Variants in GOLGB1 observed in about 807,000 individuals in gnomAD.
GOLGB1 encodes golgin B1, also known as golgin subfamily B member 1.
A neutral mutation model predicts 336.9 loss-of-function variants in GOLGB1; 174 were observed. The observed-to-expected ratio is 0.52, with a 90% CI of 0.46 to 0.59. The LOEUF is 0.59. Ranked by LOEUF, GOLGB1 falls within the 20% of genes least tolerant of loss-of-function variation. The probability of loss-of-function intolerance (pLI) is 0.00; values close to 1 mark genes in which losing one functional copy is unlikely to be tolerated. For missense variants in GOLGB1, 3,331 were observed against 3,645.3 expected (o/e 0.91, Z 2.22); for synonymous variants, 1,208 against 1,289.2 (o/e 0.94, Z 1.35).
chr3:121,742,912 TGA>T (rs1283209413), intron 1 of GOLGB1, among the ~76,000 whole-genome samples: 8 of 152,244 alleles, frequency 5.3e-5, no homozygotes, highest in Non-Finnish European at 1.2e-4. Context: ...CAAACTACAA[TGA>T]GATACCATCT....
chr3:121,667,444 A>G, intron 20 of GOLGB1, 32 bp downstream of exon 20: 1 of 1,603,022 alleles, frequency 6.2e-7, no homozygotes, highest in Non-Finnish European at 8.5e-7. Flanking sequence ...AAGGATCGGA[A>G]GGGAACAGAG....
intron 14 of GOLGB1, among the ~76,000 whole-genome samples, chr3:121,688,239 A>G (rs1405619735): frequency 2.6e-5 from 4 of 152,094 alleles, no homozygotes; most frequent in Admixed American, 6.5e-5. Flanking sequence ...ATGCCGAGCC[A>G]AAGCTGGACT....
At chr3:121,736,786 C>T (rs926635423) in intron 1 of GOLGB1, among the ~76,000 whole-genome samples, 1 of 152,040 alleles carries the variant, frequency 6.6e-6, no homozygotes, top group African/African-American at 2.4e-5. Context: ...CACCTGTAGT[C>T]CCAGCTATTG....
chr3:121,726,014 T>C (rs1344717921), intron 5 of GOLGB1, among the ~76,000 whole-genome samples: 2 of 151,366 alleles, frequency 1.3e-5, no homozygotes, highest in Non-Finnish European at 2.9e-5. Context: ...TTTCTGTTAT[T>C]ATAAATTAAA....
At position 121,668,369 on chromosome 3, in the gene GOLGB1, T is replaced by A. The variant is rs1938964319; in HGVS notation, c.9322-211A>T. ...TTCTCCCAGATTCTCATTCTTGAAT[T>A]TCTCCTCTTAAAAGTTAAGTCTGGG... On this transcript the variant is annotated intron_variant, in intron 18 of 21. Transcript: ENST00000614479. 7.6e-6 allele frequency: 3 copies of A among 397,346 alleles called. No homozygotes were observed. The South Asian group carries it at 1.1e-4, about 15-fold the overall frequency. The allele number at this position is 397,346 out of a possible 1,614,324, so 24.6% of individuals were successfully genotyped here.
At chr3:121,727,387 T>G (rs760366105) in intron 4 of GOLGB1, among the ~76,000 whole-genome samples, 23 of 124,972 alleles carry the variant, frequency 1.8e-4, no homozygotes, top group Non-Finnish European at 3.3e-4. Flanking sequence ...CTGTGGACAA[T>G]ATAGAAAACA....
At chr3:121,720,438 G>C (rs1235403258) in intron 6 of GOLGB1, among the ~76,000 whole-genome samples, 1 of 152,206 alleles carries the variant, frequency 6.6e-6, no homozygotes, top group Non-Finnish European at 1.5e-5. Flanking sequence ...CTCAGTATCA[G>C]TGCTTCTGTC....
intron 17 of GOLGB1, among the ~76,000 whole-genome samples, chr3:121,673,729 A>G (rs959486912): frequency 1.3e-5 from 2 of 150,638 alleles, no homozygotes; most frequent in African/African-American, 2.4e-5. Flanking sequence ...CTATCTATCT[A>G]TCTATTTTTG....
intron 2 of GOLGB1, 168 bp downstream of exon 2, chr3:121,730,708 C>G: frequency 1.7e-6 from 1 of 591,740 alleles, no homozygotes; most frequent in Non-Finnish European, 2.7e-6. Context: ...GGCTTTTAAG[C>G]TAAAAACTTA....
At chr3:121,664,641 A>G (rs1263200389) in intron 21 of GOLGB1, 27 bp from the exon 22 acceptor site, 1 of 1,610,420 alleles carries the variant, frequency 6.2e-7, no homozygotes. Flanking sequence ...AAAGTCAGAG[A>G]GTTTTCACCC....
intron 16 of GOLGB1, 77 bp from the exon 17 acceptor site, chr3:121,677,107 C>T: frequency 6.4e-7 from 1 of 1,565,218 alleles, no homozygotes; most frequent in Middle Eastern, 1.7e-4. Context: ...GAAATCCTGT[C>T]CGCCCCATAG....
At chr3:121,664,872 T>A in intron 21 of GOLGB1, 54 bp downstream of exon 21, 1 of 1,092,230 alleles carries the variant, frequency 9.2e-7, no homozygotes, top group Non-Finnish European at 1.4e-6. Flanking sequence ...GCCCCCAGTA[T>A]AGCCAGCCCT....
chr3:121,685,392 G>T (rs556382807), intron 14 of GOLGB1, among the ~76,000 whole-genome samples: 1 of 151,996 alleles, frequency 6.6e-6, no homozygotes, highest in African/African-American at 2.4e-5. Flanking sequence ...AAAATTAGCC[G>T]GGCAAGGTGG....
chr3:121,736,749 C>G lies in GOLGB1; in HGVS notation c.-2-5776G>C, dbSNP rs35050649. ...GAAACTCCGTCTCTACTAAAAAATACAAAAATTAGCCGGGTGTGGTGGCAT... is the reference window on the plus strand; with the variant it reads ...GAAACTCCGTCTCTACTAAAAAATAGAAAAATTAGCCGGGTGTGGTGGCAT... On this transcript the variant is annotated intron_variant, in intron 1 of 21. Transcript: ENST00000614479. 5.2e-3 allele frequency among the ~76,000 whole-genome samples: 793 copies of G among 152,086 alleles called. 4 individuals carry two copies. The highest frequency in any genetic ancestry group is 8.5e-3 in the Non-Finnish European group (575 of 67,980).
At chr3:121,673,138 C>T (rs1257750130) in intron 17 of GOLGB1, among the ~76,000 whole-genome samples, 7 of 151,120 alleles carry the variant, frequency 4.6e-5, no homozygotes, top group East Asian at 3.9e-4. Flanking sequence ...GGCGCGATCT[C>T]GGCTCACTGT....
chr3:121,746,328 T>C (rs1284629187), intron 1 of GOLGB1, among the ~76,000 whole-genome samples: 2 of 152,226 alleles, frequency 1.3e-5, no homozygotes, highest in African/African-American at 4.8e-5. Context: ...TTTTTCATGA[T>C]GCAGAAGCCA....
At chr3:121,700,475 T>C (rs1367463212) in intron 11 of GOLGB1, among the ~76,000 whole-genome samples, 1 of 152,050 alleles carries the variant, frequency 6.6e-6, no homozygotes, top group Non-Finnish European at 1.5e-5. Context: ...TCAATATCAA[T>C]ATCCTCAAGA....
In GOLGB1 at chr3:121,696,476, CT is replaced by C; in HGVS notation, c.4046del (p.Glu1349GlyfsTer3). 6.2e-7 allele frequency: 1 copy of C among 1,614,000 alleles called. No homozygotes were observed. ...TTTCTAAACCCTGTTTATTTATCTG[CT>C]CTTGTAACTGAAATACCTCTTCTGA... The part of the protein sequence containing the change: ...KKSEEVFQLQ[E>X]QINKQGLEIE... On this transcript the variant is annotated frameshift_variant, in exon 13 of 22. Transcript: ENST00000614479. LOFTEE classifies it high-confidence loss of function.
chr3:121,737,634 A>G (rs1576475965), intron 1 of GOLGB1, among the ~76,000 whole-genome samples: 1 of 151,144 alleles, frequency 6.6e-6, no homozygotes, highest in East Asian at 2.0e-4. Context: ...CCTGGGCAAC[A>G]GAGCAAGACC....
Sources: gnomAD v4.1 joint callset for allele counts (sites outside exome capture counted in the v4.1 genomes callset) on GRCh38, gnomAD v4.1.1 for gene constraint, MANE v1.5 for transcripts, NCBI Gene and HGNC (gene_info 2026-07-23, HGNC 2026-07-21) for gene names.